The following TMC7 variants were observed in gnomAD, a reference collection of about 807,000 sequenced individuals.
TMC7 encodes the protein transmembrane channel-like protein 7.
TMC7 carries 54 observed loss-of-function variants against 82.9 expected under a neutral mutation model. The ratio of observed to expected loss-of-function variants is 0.65; its 90% confidence interval spans 0.52 to 0.82. The LOEUF (loss-of-function observed/expected upper bound fraction) is 0.82, where lower values mean the gene tolerates loss of function less well. Ranked by LOEUF, TMC7 falls within the 40% of genes least tolerant of loss-of-function variation. The pLI, the probability that TMC7 is intolerant of heterozygous loss-of-function variation, is 0.00. For missense variants in TMC7, 820 were observed against 901.2 expected, an observed-to-expected ratio of 0.91 and a Z score of 1.15; for synonymous variants, 350 against 337.9, an observed-to-expected ratio of 1.04 and a Z score of -0.39.
rs117430341 is a variant in TMC7, at chr16:19,021,110, A to G, written c.461-519A>G. Among the ~76,000 whole-genome samples, 528 of 152,286 alleles carry G rather than the reference A, an allele frequency of 3.5e-3. 1 individual carries two copies. The highest frequency in any genetic ancestry group is 5.2e-3 in the Non-Finnish European group (352 of 68,032). On this transcript the variant is annotated intron_variant, in intron 3 of 15. Coordinates refer to ENST00000304381, the MANE Select transcript of TMC7 (RefSeq NM_024847.4). The stretch of plus-strand genomic sequence containing the variant: ...TAGCAGATTGCACGTGAAAATTAAA[A>G]CACTAATTCTAACATTTGTACATAA...
chr16:19,004,515 C>G (rs936659184), intron 1 of TMC7, among the ~76,000 whole-genome samples: 2 of 152,038 alleles, frequency 1.3e-5, no homozygotes, highest in Non-Finnish European at 2.9e-5. Flanking sequence ...CAGGCACTTG[C>G]CACCATGCCT....
At chr16:19,060,615 G>A (rs1468254213) in intron 15 of TMC7, among the ~76,000 whole-genome samples, 1 of 152,096 alleles carries the variant, frequency 6.6e-6, no homozygotes, top group Non-Finnish European at 1.5e-5. Context: ...GCACTTCAGG[G>A]GGACAGGAGG....
At chr16:19,049,733 G>C in intron 12 of TMC7, 1 of 893,204 alleles carries the variant, frequency 1.1e-6, no homozygotes, top group Non-Finnish European at 1.3e-6. Flanking sequence ...TGTCCCGCCG[G>C]CTGCCCCGAG....
rs563392234 is a variant in TMC7 at position 19,047,898 on chromosome 16, A to G, written c.1740+649A>G. ...GTACTTTTAGTAGAGACGGGGTTTC[A>G]CCATCTTGGCCAAGCTGGTCTTGAA... On this transcript the variant is annotated intron_variant, in intron 12 of 15. Transcript: ENST00000304381. Among the ~76,000 whole-genome samples the G allele has an allele frequency of 4.1e-5, 6 of 148,094 alleles. No individual in the cohort carries two copies. The South Asian group carries it at 6.4e-4, about 16-fold the overall frequency.
chr16:19,058,544 A>ATGTCATTCTCTCTCTTTC (rs1303482687), intron 14 of TMC7, among the ~76,000 whole-genome samples: 2 of 152,148 alleles, frequency 1.3e-5, no homozygotes, highest in Non-Finnish European at 2.9e-5. Context: ...TTTCTCAACC[A>ATGTCATTCTCTCTCTTTC]TGTCATTCTC....
intron 1 of TMC7, among the ~76,000 whole-genome samples, chr16:19,000,144 A>G (rs1002829357): frequency 5.9e-5 from 9 of 151,958 alleles, no homozygotes; most frequent in African/African-American, 2.2e-4. Context: ...GATTATCTGG[A>G]CACCCTCCCT....
At chr16:19,044,178 T>G (rs964618796) in intron 9 of TMC7, among the ~76,000 whole-genome samples, 2 of 151,600 alleles carry the variant, frequency 1.3e-5, no homozygotes, top group Non-Finnish European at 2.9e-5. Context: ...TTGGTTTTTT[T>G]GTTTGTTTGT....
chr16:19,040,736 G>C (rs2142268079), intron 9 of TMC7, among the ~76,000 whole-genome samples: 1 of 152,312 alleles, frequency 6.6e-6, no homozygotes, highest in East Asian at 1.9e-4. Context: ...AGAAATGACA[G>C]CTATAAGGCA....
At chr16:18,984,486 G>A (rs2038808498) in intron 1 of TMC7, 1 of 1,078,500 alleles carries the variant, frequency 9.3e-7, no homozygotes, top group Non-Finnish European at 1.1e-6. Context: ...ATTCTGGTAT[G>A]AGGTGCCTGC....
Position 19,005,921 on chromosome 16 carries a change from C to T in TMC7, c.68-3251C>T, listed in dbSNP as rs867881814. 5.9e-5 allele frequency among the ~76,000 whole-genome samples: 9 copies of T among 152,250 alleles called. No homozygotes were observed. In the South Asian group the frequency reaches 6.2e-4, roughly 11 times the overall value. The stretch of plus-strand genomic sequence containing the variant: ...TTGCACATGGTGATTGGCAGGGCCC[C>T]AGCCACGTGTCCATGTGTCATCTAC... On this transcript the variant is annotated intron_variant, in intron 1 of 15. Coordinates refer to ENST00000304381, the MANE Select transcript of TMC7 (RefSeq NM_024847.4).
chr16:19,049,926 T>G (rs561571636), intron 12 of TMC7, among the ~76,000 whole-genome samples: 2 of 152,316 alleles, frequency 1.3e-5, no homozygotes, highest in East Asian at 3.9e-4. Flanking sequence ...CTTCAAGTCT[T>G]TCTTCCCTCA....
In TMC7 at chr16:19,044,998, C is replaced by G. The variant is rs1456420784; in HGVS notation, c.1452C>G (p.Tyr484Ter). 2 of 1,613,508 alleles carry G rather than the reference C, an allele frequency of 1.2e-6. No homozygotes were observed. The highest frequency in any genetic ancestry group is 1.7e-6 in the Non-Finnish European group (2 of 1,179,636). ...CDLCGYNQKL[Y>*]PCWETQVGQE... is the part of the protein sequence containing the mutation. ...TTTGCGGCTACAACCAGAAACTCTA[C>G]CCGGTGAGTTGCGGGGCGGGGGCGT... Residue 484 changes from tyrosine to a stop codon, truncating the protein, a stop_gained, in exon 10 of 16, where the codon TAC becomes TAG. Coordinates refer to ENST00000304381, the MANE Select transcript of TMC7 (RefSeq NM_024847.4). LOFTEE classifies it high-confidence loss of function.
intron 11 of TMC7, 126 bp downstream of exon 11, chr16:19,045,564 C>T (rs1247541582): frequency 1.5e-6 from 1 of 652,480 alleles, no homozygotes; most frequent in Non-Finnish European, 2.7e-6. Context: ...ACTCTACAGC[C>T]CTGGAAATCT....
At chr16:18,989,379 TAGTC>T (rs781356252) in intron 1 of TMC7, among the ~76,000 whole-genome samples, 9 of 152,192 alleles carry the variant, frequency 5.9e-5, no homozygotes, top group Non-Finnish European at 1.3e-4. Flanking sequence ...GGCCTGGATT[TAGTC>T]CAAGGGCCCT....
rs751133942 is a variant in TMC7, at chr16:19,045,352, C to G, written c.1467C>G (p.Thr489=). Residue 489 remains threonine, a synonymous_variant, in exon 11 of 16, where the codon ACC becomes ACG. Coordinates refer to ENST00000304381, the MANE Select transcript of TMC7 (RefSeq NM_024847.4). ...CTCTTTGATTTCAGTGCTGGGAGAC[C>G]CAAGTTGGGCAGGAAATGTACAAGC... ...YNQKLYPCWE[T]QVGQEMYKLM... is the part of the protein sequence containing the mutation. 5.6e-6 allele frequency: 9 copies of G among 1,613,858 alleles called. No homozygotes were observed. The South Asian group carries it at 9.9e-5, about 18-fold the overall frequency.
At chr16:18,984,186 G>T in intron 1 of TMC7, 56 bp downstream of exon 1, 2 of 1,436,198 alleles carry the variant, frequency 1.4e-6, no homozygotes, top group Non-Finnish European at 1.8e-6. Flanking sequence ...GAGGGCGCAC[G>T]GAGGGAGCCG....
Position 18,984,082 on chromosome 16 carries a change from A to G in TMC7, c.19A>G (p.Ser7Gly). Reference sequence around the variant, plus strand: ...CGCGGCCATGAGCGAGTCCAGCGGCAGTGCGCTCCAGCCCGGCAGGCCCAG... The same window carrying G: ...CGCGGCCATGAGCGAGTCCAGCGGCGGTGCGCTCCAGCCCGGCAGGCCCAG... MSESSGSALQPGRPSRQ... is the reference protein window; with the variant it reads MSESSGGALQPGRPSRQ... The change falls in exon 1 of 16, where the codon AGT (serine) becomes GGT (glycine). Residue 7 changes from serine to glycine, a missense_variant. Transcript: ENST00000304381. 1 of 1,500,374 alleles carries G rather than the reference A, an allele frequency of 6.7e-7. No individual in the cohort carries two copies. The highest frequency in any genetic ancestry group is 8.8e-7 in the Non-Finnish European group (1 of 1,132,816). 92.9% of individuals were successfully genotyped at this position (1,500,374 alleles called of 1,614,324 possible).
chr16:18,998,861 T>G (rs2142141054), intron 1 of TMC7, among the ~76,000 whole-genome samples: 1 of 152,186 alleles, frequency 6.6e-6, no homozygotes, highest in Admixed American at 6.5e-5. Context: ...GCTCATCTGT[T>G]TGTAAAGCCT....
chr16:19,045,511 C>T, intron 11 of TMC7, 73 bp downstream of exon 11: 1 of 1,048,332 alleles, frequency 9.5e-7, no homozygotes, highest in Non-Finnish European at 1.5e-6. Flanking sequence ...ACACACACAA[C>T]TGGAGGGTCC....
Sources: allele counts gnomAD v4.1 joint callset (sites outside exome capture counted in the v4.1 genomes callset), GRCh38; gene constraint gnomAD v4.1.1; transcripts MANE v1.5; gene names NCBI Gene and HGNC (gene_info 2026-07-23, HGNC 2026-07-21).